Variants in FOXD1 observed in about 807,000 individuals in gnomAD.
FOXD1 encodes the protein forkhead box protein D1.
A neutral mutation model predicts 2.0 loss-of-function variants in FOXD1; 4 were observed. The ratio of observed to expected loss-of-function variants is 2.03; its 90% CI spans 1.00 to 4.64. The LOEUF (loss-of-function observed/expected upper bound fraction) is 4.64. Among genes scored for constraint, FOXD1 ranks in the 30% most tolerant of loss-of-function variants. The probability of loss-of-function intolerance (pLI) is 0.01; values close to 1 mark genes in which losing one functional copy is unlikely to be tolerated. For synonymous variants in FOXD1, 354 were observed against 328.5 expected (o/e 1.08, Z -0.84); for missense variants, 586 against 647.6 (o/e 0.90, Z 1.03).
Position 73,447,484 on chromosome 5 carries a change from G to A in FOXD1, c.879C>T (p.Ala293=), listed in dbSNP as rs1393183264. 3 of 1,002,140 alleles carry A rather than the reference G, an allele frequency of 3.0e-6. No homozygotes were observed. The highest frequency in any genetic ancestry group is 3.6e-6 in the Non-Finnish European group (3 of 843,472). 62.1% of individuals were successfully genotyped at this position (1,002,140 alleles called of 1,614,324 possible). ...PPYAPPSALF[A]AAAAAAAAAA... ...CGGCGGCGGCGGCGGCCGCTGCGGC[G>A]GCGAAGAGGGCCGAGGGCGGCGCGT... The change falls in exon 1 of 1, where the codon GCC becomes GCT. Residue 293 remains alanine, a synonymous_variant. Coordinates refer to ENST00000615637, the MANE Select transcript of FOXD1 (RefSeq NM_004472.3). This position sits in a 1 kb window ranked among gnomAD's most constrained non-coding sequence, Gnocchi z 7.8.
Position 73,448,462 on chromosome 5 carries a change from G to C in FOXD1, c.-100C>G. 1.3e-6 allele frequency: 1 copy of C among 742,596 alleles called. No individual in the cohort carries two copies. The highest frequency in any genetic ancestry group is 5.8e-5 in the South Asian group (1 of 17,230). 46.0% of individuals were successfully genotyped at this position (742,596 alleles called of 1,614,324 possible). A position where few individuals can be genotyped will look rare whatever the true frequency, so the allele number is the denominator to read the frequency against. On this transcript the variant is annotated 5_prime_UTR_variant, in exon 1 of 1. Transcript: ENST00000615637. ...TCCCGGGCGGCAGGCCCGGCCGGGG[G>C]GCGCCACGCTGGGGGCGCTGCGACT... is the stretch of plus-strand genomic sequence containing the variant.
At position 73,448,255 on chromosome 5, in the gene FOXD1, GTCGTCCTCCTCTTCCTCGTCTTCT is replaced by G; in HGVS notation, c.84_107del (p.Glu28_Asp35del). 1.3e-6 allele frequency: 2 copies of G among 1,481,766 alleles called. No homozygotes were observed. Among genetic ancestry groups the G allele is most frequent in the Non-Finnish European group, 1.8e-6 (2 of 1,109,178 alleles). 91.8% of individuals were successfully genotyped at this position (1,481,766 alleles called of 1,614,324 possible). A position where few individuals can be genotyped will look rare whatever the true frequency, so the allele number is the denominator to read the frequency against. On this transcript the variant is annotated inframe_deletion, in exon 1 of 1. Coordinates refer to ENST00000615637, the MANE Select transcript of FOXD1 (RefSeq NM_004472.3). ...GGGGCCCGCCACCGCCGCCCTCGTC[GTCGTCCTCCTCTTCCTCGTCTTCT>G]TCGTCCTCGCCCTCCCCCACCACGT... is the stretch of plus-strand genomic sequence containing the variant.
chr5:73,446,607 C>A lies in FOXD1; in HGVS notation c.*358G>T, dbSNP rs1258775552. 1 of 214,914 alleles carries A rather than the reference C, an allele frequency of 4.7e-6. No individual in the cohort carries two copies. The highest frequency in any genetic ancestry group is 9.4e-6 in the Non-Finnish European group (1 of 106,534). 13.3% of individuals were successfully genotyped at this position (214,914 alleles called of 1,614,324 possible). ...TGACCATTATTTTTTAACGCCTGGA[C>A]CTGAGAATCTCTACACCTCAAAAAG... On this transcript the variant is annotated 3_prime_UTR_variant, in exon 1 of 1. Transcript: ENST00000615637.
At position 73,448,390 on chromosome 5, in the gene FOXD1, C is replaced by A. The variant is rs1378600887; in HGVS notation, c.-28G>T. ...CTGTGGCGCGGCGGCGGCGGGGCGG[C>A]GCATGGGGGCGCCGGGCTCCGGGCT... is the stretch of plus-strand genomic sequence containing the variant. On this transcript the variant is annotated 5_prime_UTR_variant, in exon 1 of 1. Coordinates refer to ENST00000615637, the MANE Select transcript of FOXD1 (RefSeq NM_004472.3). 1.5e-5 allele frequency: 18 copies of A among 1,188,060 alleles called. No individual in the cohort carries two copies. The highest frequency in any genetic ancestry group is 1.9e-5 in the Non-Finnish European group (18 of 945,514). The allele number at this position is 1,188,060 out of a possible 1,614,324, so 73.6% of individuals were successfully genotyped here.
chr5:73,447,521 T>C lies in FOXD1; in HGVS notation c.842A>G (p.Gln281Arg), dbSNP rs2112139512. 4 of 1,022,586 alleles carry C rather than the reference T, an allele frequency of 3.9e-6. No homozygotes were observed. The highest frequency in any genetic ancestry group is 4.7e-4 in the Middle Eastern group (1 of 2,136). 63.3% of individuals were successfully genotyped at this position (1,022,586 alleles called of 1,614,324 possible). A position where few individuals can be genotyped will look rare whatever the true frequency, so the allele number is the denominator to read the frequency against. Residue 281 changes from glutamine (Q) to arginine (R), a missense_variant, in exon 1 of 1, where the codon CAG (glutamine) becomes CGG (arginine). This residue lies in a region of FOXD1 where 253 missense variants were observed against 234.4 expected (regional missense o/e 1.08). Transcript: ENST00000615637. The surrounding 1 kb of genome is among the most constrained non-coding windows in gnomAD (Gnocchi z 7.8). ...YGPYGCGYGL[Q>R]LPPYAPPSAL... ...CGAGGGCGGCGCGTAAGGCGGCAGC[T>C]GCAGGCCGTAGCCGCAGCCGTAGGG...
chr5:73,446,425 G>A lies in FOXD1; in HGVS notation c.*540C>T, dbSNP rs1432646911. 1 of 155,764 alleles carries A rather than the reference G, an allele frequency of 6.4e-6. No individual in the cohort carries two copies. The highest frequency in any genetic ancestry group is 1.4e-5 in the Non-Finnish European group (1 of 70,290). The allele number at this position is 155,764 out of a possible 1,614,324, so 9.6% of individuals were successfully genotyped here. A position where few individuals can be genotyped will look rare whatever the true frequency, so the allele number is the denominator to read the frequency against. On this transcript the variant is annotated 3_prime_UTR_variant, in exon 1 of 1. Coordinates refer to ENST00000615637, the MANE Select transcript of FOXD1 (RefSeq NM_004472.3). ...CACGTCTGTTATGATACAAAACACAGGTTGAAATAAATGATAATTTTGACT... is the reference window on the plus strand; with the variant it reads ...CACGTCTGTTATGATACAAAACACAAGTTGAAATAAATGATAATTTTGACT...
At position 73,446,940 on chromosome 5, in the gene FOXD1, C is replaced by T; in HGVS notation, c.*25G>A. ...AAGGAGCCGGGATTCCTACCTTCTTCCTCGAGCGCGCTAACATAGCGTTAT... is the reference window on the plus strand; with the variant it reads ...AAGGAGCCGGGATTCCTACCTTCTTTCTCGAGCGCGCTAACATAGCGTTAT... On this transcript the variant is annotated 3_prime_UTR_variant, in exon 1 of 1. Transcript: ENST00000615637. 1.3e-6 allele frequency: 2 copies of T among 1,531,270 alleles called. No homozygotes were observed. Among genetic ancestry groups the T allele is most frequent in the Non-Finnish European group, 1.8e-6 (2 of 1,132,776 alleles). The allele number at this position is 1,531,270 out of a possible 1,614,324, so 94.9% of individuals were successfully genotyped here.
Position 73,448,014 on chromosome 5 carries a change from T to A in FOXD1, c.349A>T (p.Ser117Cys), listed in dbSNP as rs759378391. 97 of 1,394,712 alleles carry A rather than the reference T, an allele frequency of 7.0e-5. No homozygotes were observed. In the South Asian group the frequency reaches 1.6e-3, roughly 23 times the overall value. The allele number at this position is 1,394,712 out of a possible 1,614,324, so 86.4% of individuals were successfully genotyped here. ...TTCACCAGCGGGTTCTTGGCGCCGC[T>A]ACCCGCGCTCCCGCCGCCGCCCGCG... ...GGAGGGGSAG[S>C]GAKNPLVKPP... Residue 117 changes from serine (S) to cysteine (C), a missense_variant, in exon 1 of 1, where the codon AGC becomes TGC. Physicochemically the swap from Ser to Cys is moderately radical, Grantham distance 112. Around this residue, in one of 4 missense-constraint regions of FOXD1, gnomAD observed 104 missense variants for 175.4 expected, o/e 0.59. Transcript: ENST00000615637.
chr5:73,447,033 C>T lies in FOXD1; in HGVS notation c.1330G>A (p.Gly444Arg), dbSNP rs757159402. ...ASSVSSSAAL[G>R]TLHQGTALSS... ...AGGGCAGTCCCTTGGTGCAGAGTCC[C>T]CAAGGCGGCGGACGAGGAGACTGAG... is the stretch of plus-strand genomic sequence containing the variant. Residue 444 changes from glycine to arginine, a missense_variant, in exon 1 of 1, where the codon GGG (glycine) becomes AGG (arginine). Transcript: ENST00000615637. The surrounding 1 kb of genome is among the most constrained non-coding windows in gnomAD (Gnocchi z 7.8). 1.3e-6 allele frequency: 2 copies of T among 1,539,570 alleles called. No homozygotes were observed. The highest frequency in any genetic ancestry group is 2.4e-5 in the South Asian group (2 of 83,644).
Position 73,446,286 on chromosome 5 carries a change from T to C in FOXD1, c.*679A>G, listed in dbSNP as rs1267721183. ...GTGAATTTTCTTTGAAAATTAAGCA[T>C]TTTTATTTCTGAAAAAGTGTAAAAA... On this transcript the variant is annotated 3_prime_UTR_variant, in exon 1 of 1. Transcript: ENST00000615637. 1 of 152,638 alleles carries C rather than the reference T, an allele frequency of 6.6e-6. No individual in the cohort carries two copies. The highest frequency in any genetic ancestry group is 2.4e-5 in the African/African-American group (1 of 41,462). The allele number at this position is 152,638 out of a possible 1,614,324, so 9.5% of individuals were successfully genotyped here.
chr5:73,446,866 G>A lies in FOXD1; in HGVS notation c.*99C>T. On this transcript the variant is annotated 3_prime_UTR_variant, in exon 1 of 1. Transcript: ENST00000615637. Reference sequence around the variant, plus strand: ...GAAAATGGGCGCGCGAGGTCGAGAGGGGCCGCGCCTGGAGGAGCGAACAAA... The same window carrying A: ...GAAAATGGGCGCGCGAGGTCGAGAGAGGCCGCGCCTGGAGGAGCGAACAAA... 5 of 1,069,954 alleles carry A rather than the reference G, an allele frequency of 4.7e-6. No homozygotes were observed. The highest frequency in any genetic ancestry group is 6.8e-6 in the Non-Finnish European group (5 of 740,622). 66.3% of individuals were successfully genotyped at this position (1,069,954 alleles called of 1,614,324 possible).
In FOXD1 at chr5:73,448,440, C is replaced by T. The variant is rs1745555523; in HGVS notation, c.-78G>A. ...TCCCTCTGCGCCCCAGCCCGGGTCC[C>T]GGGCGGCAGGCCCGGCCGGGGGGCG... On this transcript the variant is annotated 5_prime_UTR_variant, in exon 1 of 1. Transcript: ENST00000615637. The T allele has an allele frequency of 2.1e-6, 2 of 971,444 alleles. No homozygotes were observed. Among genetic ancestry groups the T allele is most frequent in the Admixed American group, 5.9e-5 (1 of 16,830 alleles). 60.2% of individuals were successfully genotyped at this position (971,444 alleles called of 1,614,324 possible).
In FOXD1 at chr5:73,448,452, C is replaced by G; in HGVS notation, c.-90G>C. 1.2e-6 allele frequency: 1 copy of G among 853,346 alleles called. No homozygotes were observed. Among genetic ancestry groups the G allele is most frequent in the Non-Finnish European group, 1.4e-6 (1 of 703,930 alleles). 52.9% of individuals were successfully genotyped at this position (853,346 alleles called of 1,614,324 possible). ...CCAGCCCGGGTCCCGGGCGGCAGGCCCGGCCGGGGGGCGCCACGCTGGGGG... is the reference window on the plus strand; with the variant it reads ...CCAGCCCGGGTCCCGGGCGGCAGGCGCGGCCGGGGGGCGCCACGCTGGGGG... On this transcript the variant is annotated 5_prime_UTR_variant, in exon 1 of 1. Transcript: ENST00000615637.
rs1030508399 is a variant in FOXD1 at position 73,446,920 on chromosome 5, G to A, written c.*45C>T. ...CCGAACCACCAAGACGAGAAAAGGA[G>A]CCGGGATTCCTACCTTCTTCCTCGA... On this transcript the variant is annotated 3_prime_UTR_variant, in exon 1 of 1. Coordinates refer to ENST00000615637, the MANE Select transcript of FOXD1 (RefSeq NM_004472.3). The A allele has an allele frequency of 6.8e-7, 1 of 1,472,466 alleles. No individual in the cohort carries two copies. Among genetic ancestry groups the A allele is most frequent in the Non-Finnish European group, 9.2e-7 (1 of 1,082,722 alleles). The allele number at this position is 1,472,466 out of a possible 1,614,324, so 91.2% of individuals were successfully genotyped here.
At position 73,447,341 on chromosome 5, in the gene FOXD1, G is replaced by A; in HGVS notation, c.1022C>T (p.Pro341Leu). The A allele has an allele frequency of 1.0e-6, 1 of 983,862 alleles. No homozygotes were observed. The highest frequency in any genetic ancestry group is 4.5e-5 in the South Asian group (1 of 22,150). 60.9% of individuals were successfully genotyped at this position (983,862 alleles called of 1,614,324 possible). Residue 341 changes from proline to leucine, a missense_variant, in exon 1 of 1, where the codon CCC becomes CTC. This residue lies in a region of FOXD1 where 253 missense variants were observed against 234.4 expected (regional missense o/e 1.08). Coordinates refer to ENST00000615637, the MANE Select transcript of FOXD1 (RefSeq NM_004472.3). The surrounding 1 kb of genome is among the most constrained non-coding windows in gnomAD (Gnocchi z 7.8). ...CGCCTTGGCCGCGGAGGCCGGCAGGGGGCCGGGTAGGGCGGCGCCGAGCGG... is the reference window on the plus strand; with the variant it reads ...CGCCTTGGCCGCGGAGGCCGGCAGGAGGCCGGGTAGGGCGGCGCCGAGCGG... ...PHPLGAALPG[P>L]LPASAAKAGG...
chr5:73,446,811 T>C lies in FOXD1; in HGVS notation c.*154A>G. 1 of 689,066 alleles carries C rather than the reference T, an allele frequency of 1.5e-6. No homozygotes were observed. The highest frequency in any genetic ancestry group is 1.5e-5 in the South Asian group (1 of 65,536). The allele number at this position is 689,066 out of a possible 1,614,324, so 42.7% of individuals were successfully genotyped here. A position where few individuals can be genotyped will look rare whatever the true frequency, so the allele number is the denominator to read the frequency against. The stretch of plus-strand genomic sequence containing the variant: ...GAGCCAAAAGGCGCGCCCGGGCTGT[T>C]GACAGTTTTGTCCGAGAATTCGCAG... On this transcript the variant is annotated 3_prime_UTR_variant, in exon 1 of 1. Coordinates refer to ENST00000615637, the MANE Select transcript of FOXD1 (RefSeq NM_004472.3).
chr5:73,447,466 G>C lies in FOXD1; in HGVS notation c.897C>G (p.Ala299=). The C allele has an allele frequency of 1.0e-6, 1 of 993,184 alleles. No homozygotes were observed. Among genetic ancestry groups the C allele is most frequent in the Non-Finnish European group, 1.2e-6 (1 of 837,448 alleles). The allele number at this position is 993,184 out of a possible 1,614,324, so 61.5% of individuals were successfully genotyped here. A position where few individuals can be genotyped will look rare whatever the true frequency, so the allele number is the denominator to read the frequency against. ...SALFAAAAAA[A]AAAAFHPHSP... ...AGTGCGGGTGGAAGGCGGCGGCGGC[G>C]GCGGCGGCCGCTGCGGCGGCGAAGA... The change falls in exon 1 of 1, where the codon GCC becomes GCG. Residue 299 remains alanine, a synonymous_variant. Coordinates refer to ENST00000615637, the MANE Select transcript of FOXD1 (RefSeq NM_004472.3). This position sits in a 1 kb window ranked among gnomAD's most constrained non-coding sequence, Gnocchi z 7.8.
In FOXD1 at chr5:73,447,496, C is replaced by A. The variant is rs1483912670; in HGVS notation, c.867G>T (p.Ser289=). The change falls in exon 1 of 1, where the codon TCG becomes TCT. Residue 289 remains serine, a synonymous_variant. Coordinates refer to ENST00000615637, the MANE Select transcript of FOXD1 (RefSeq NM_004472.3). The surrounding 1 kb of genome is among the most constrained non-coding windows in gnomAD (Gnocchi z 7.8). ...GLQLPPYAPP[S]ALFAAAAAAA... ...CGGCCGCTGCGGCGGCGAAGAGGGC[C>A]GAGGGCGGCGCGTAAGGCGGCAGCT... is the stretch of plus-strand genomic sequence containing the variant. 9 of 1,005,272 alleles carry A rather than the reference C, an allele frequency of 9.0e-6. No homozygotes were observed. The highest frequency in any genetic ancestry group is 9.4e-6 in the Non-Finnish European group (8 of 846,782). The allele number at this position is 1,005,272 out of a possible 1,614,324, so 62.3% of individuals were successfully genotyped here. A position where few individuals can be genotyped will look rare whatever the true frequency, so the allele number is the denominator to read the frequency against.
In FOXD1 at chr5:73,448,100, G is replaced by C. The variant is rs7705335; in HGVS notation, c.263C>G (p.Ala88Gly). Residue 88 changes from alanine (A) to glycine (G), a missense_variant, in exon 1 of 1, where the codon GCG becomes GGG. This residue lies in a region of FOXD1 where 183 missense variants were observed against 159.2 expected (regional missense o/e 1.15). Transcript: ENST00000615637. ...CGCCGCCGGGGCCGGGCCCGGGGGC[G>C]CCGGGGAGCCCCCAGCAGGCGGGGC... The part of the protein sequence containing the change: ...LLAPPAGGSP[A>G]PPGPAPAAGA... The C allele has an allele frequency of 0.032, 37,357 of 1,163,888 alleles. 9,359 individuals are homozygous for C. The African/African-American group carries it at 0.55, about 17-fold the overall frequency. The allele number at this position is 1,163,888 out of a possible 1,614,324, so 72.1% of individuals were successfully genotyped here. A position where few individuals can be genotyped will look rare whatever the true frequency, so the allele number is the denominator to read the frequency against.
Sources: allele counts gnomAD v4.1 joint callset, GRCh38; gene constraint gnomAD v4.1.1; regional missense constraint gnomAD v4.1.1; non-coding constraint Gnocchi (gnomAD v3.1); transcripts MANE v1.5; gene names NCBI Gene and HGNC (gene_info 2026-07-23, HGNC 2026-07-21).